The following ENTPD1 variants were observed in gnomAD, a reference collection of about 807,000 sequenced individuals.
ENTPD1 encodes ectonucleoside triphosphate diphosphohydrolase 1.
ENTPD1 carries 33 observed loss-of-function variants against 57.0 expected under a neutral mutation model. The observed-to-expected ratio is 0.58, with a 90% confidence interval of 0.44 to 0.77. The LOEUF is 0.77. Among genes scored for constraint, ENTPD1 ranks in the 30% least tolerant of loss-of-function variants. The pLI is 0.00. For synonymous variants in ENTPD1, 202 were observed against 218.8 expected (o/e 0.92, Z 0.68); for missense variants, 501 against 603.4 (o/e 0.83, Z 1.78).
chr10:95,722,287 T>G (rs1168319049), intron 1 of ENTPD1, among the ~76,000 whole-genome samples: 1 of 151,576 alleles, frequency 6.6e-6, no homozygotes, highest in Admixed American at 6.6e-5. Flanking sequence ...TTTTAATTTT[T>G]TAATTTTTTA....
chr10:95,725,589 C>T (rs890550787), intron 1 of ENTPD1, among the ~76,000 whole-genome samples: 20 of 152,060 alleles, frequency 1.3e-4, no homozygotes, highest in Non-Finnish European at 7.4e-5. Context: ...TTTAGCCTGG[C>T]TTTCTGCAAG....
rs965103692 is a variant in ENTPD1 at position 95,871,228 on chromosome 10, G to A, written c.*4845G>A. 6 of 985,380 alleles carry A rather than the reference G, an allele frequency of 6.1e-6. No individual in the cohort carries two copies. The highest frequency in any genetic ancestry group is 4.7e-5 in the South Asian group (1 of 21,284). The allele number at this position is 985,380 out of a possible 1,614,324, so 61.0% of individuals were successfully genotyped here. A position where few individuals can be genotyped will look rare whatever the true frequency, so the allele number is the denominator to read the frequency against. On this transcript the variant is annotated 3_prime_UTR_variant, in exon 10 of 10. Coordinates refer to ENST00000371205, the MANE Select transcript of ENTPD1 (RefSeq NM_001776.6). Reference sequence around the variant, plus strand: ...AGGAAAAAAGTAAAGCATTAAATGCGATTATTTAATATACAATGTCTTATT... The same window carrying A: ...AGGAAAAAAGTAAAGCATTAAATGCAATTATTTAATATACAATGTCTTATT...
intron 1 of ENTPD1, among the ~76,000 whole-genome samples, chr10:95,718,206 G>C (rs1248327097): frequency 6.6e-6 from 1 of 152,148 alleles, no homozygotes; most frequent in Non-Finnish European, 1.5e-5. Context: ...CCACTGGTTA[G>C]CTGCAGGCAA....
chr10:95,868,958 T>G lies in ENTPD1; in HGVS notation c.*2575T>G, dbSNP rs557848553. On this transcript the variant is annotated 3_prime_UTR_variant, in exon 10 of 10. Transcript: ENST00000371205. ...AGCAGACACAACCTAACCCCAATTA[T>G]TTTGGCAGGAAGGTTGGTTTAGAGG... The G allele has an allele frequency of 2.0e-6, 2 of 985,316 alleles. No homozygotes were observed. 61.0% of individuals were successfully genotyped at this position (985,316 alleles called of 1,614,324 possible). A position where few individuals can be genotyped will look rare whatever the true frequency, so the allele number is the denominator to read the frequency against.
intron 8 of ENTPD1, 44 bp from the exon 9 acceptor site, chr10:95,864,680 G>T: frequency 1.2e-5 from 19 of 1,613,388 alleles, no homozygotes; most frequent in Non-Finnish European, 1.6e-5. Flanking sequence ...CCACAGAGAG[G>T]TGCCTATCAT....
intron 1 of ENTPD1, among the ~76,000 whole-genome samples, chr10:95,777,389 C>G (rs1376701394): frequency 6.6e-6 from 1 of 152,174 alleles, no homozygotes; most frequent in Non-Finnish European, 1.5e-5. Flanking sequence ...ACAGTCAGGT[C>G]CCTTAACTGC....
chr10:95,748,193 T>C (rs2098008136), intron 1 of ENTPD1, among the ~76,000 whole-genome samples: 1 of 152,198 alleles, frequency 6.6e-6, no homozygotes, highest in Non-Finnish European at 1.5e-5. Context: ...CTTTTTTCTA[T>C]TTGCCCCTAA....
At chr10:95,749,670 G>T (rs1187831318) in intron 1 of ENTPD1, among the ~76,000 whole-genome samples, 1 of 152,146 alleles carries the variant, frequency 6.6e-6, no homozygotes, top group Non-Finnish European at 1.5e-5. Flanking sequence ...CAGCATTCCA[G>T]GCAGAAAGAA....
chr10:95,732,961 G>T (rs983569644), intron 1 of ENTPD1, among the ~76,000 whole-genome samples: 2 of 152,174 alleles, frequency 1.3e-5, no homozygotes, highest in African/African-American at 4.8e-5. Flanking sequence ...TTTCAGGCAC[G>T]CATTGTCATT....
At chr10:95,804,752 G>C (rs574065576) in intron 1 of ENTPD1, among the ~76,000 whole-genome samples, 2 of 152,278 alleles carry the variant, frequency 1.3e-5, no homozygotes, top group East Asian at 3.9e-4. Flanking sequence ...TCCCTGTCTT[G>C]TGCCAGTTTT....
At chr10:95,845,293 A>G (rs1165320094) in intron 5 of ENTPD1, 64 bp from the exon 6 acceptor site, 27 of 1,611,400 alleles carry the variant, frequency 1.7e-5, no homozygotes, top group Non-Finnish European at 2.1e-5. Context: ...CCTGACTCCA[A>G]TAGATACTAT....
intron 1 of ENTPD1, among the ~76,000 whole-genome samples, chr10:95,810,416 G>A (rs1344618379): frequency 6.8e-6 from 1 of 147,638 alleles, no homozygotes; most frequent in African/African-American, 2.5e-5. Flanking sequence ...CAGGGCGGCT[G>A]GGCAGAGGCG....
intron 1 of ENTPD1, among the ~76,000 whole-genome samples, chr10:95,731,794 T>TTTTTTTTTTTTC (rs2097989520): frequency 7.1e-6 from 1 of 140,070 alleles, no homozygotes; most frequent in South Asian, 2.4e-4. Flanking sequence ...TTTTTTTTTT[T>TTTTTTTTTTTTC]TTTTTTTTGA....
chr10:95,820,020 G>A (rs946785452), intron 1 of ENTPD1, among the ~76,000 whole-genome samples: 2 of 152,144 alleles, frequency 1.3e-5, no homozygotes, highest in African/African-American at 4.8e-5. Context: ...AGCACTCTGG[G>A]GGTCTAAGAA....
At chr10:95,807,114 A>G (rs2098276325) in intron 1 of ENTPD1, among the ~76,000 whole-genome samples, 1 of 152,206 alleles carries the variant, frequency 6.6e-6, no homozygotes, top group South Asian at 2.1e-4. Context: ...TCCTGCCCAC[A>G]GAGATGGAGT....
At chr10:95,772,508 G>A (rs2098118956) in intron 1 of ENTPD1, among the ~76,000 whole-genome samples, 1 of 152,166 alleles carries the variant, frequency 6.6e-6, no homozygotes, top group Non-Finnish European at 1.5e-5. Flanking sequence ...TCATCCATAA[G>A]AAGCAACTCC....
chr10:95,824,503 C>G (rs2098366636), intron 2 of ENTPD1, among the ~76,000 whole-genome samples: 1 of 152,216 alleles, frequency 6.6e-6, no homozygotes, highest in Non-Finnish European at 1.5e-5. Context: ...AAGGCTGATA[C>G]TATCTCATTG....
intron 1 of ENTPD1, among the ~76,000 whole-genome samples, chr10:95,740,720 T>A (rs1369220758): frequency 6.6e-6 from 1 of 152,216 alleles, no homozygotes; most frequent in East Asian, 1.9e-4. Flanking sequence ...CTTAGCATGA[T>A]CTTCTGGATA....
intron 1 of ENTPD1, among the ~76,000 whole-genome samples, chr10:95,802,581 A>G (rs1056531647): frequency 6.6e-6 from 1 of 152,016 alleles, no homozygotes; most frequent in African/African-American, 2.4e-5. Flanking sequence ...CACATTAGGT[A>G]TTTCTCCTAA....
Sources: gnomAD v4.1 joint callset for allele counts (sites outside exome capture counted in the v4.1 genomes callset) on GRCh38, gnomAD v4.1.1 for gene constraint, MANE v1.5 for transcripts, NCBI Gene and HGNC (gene_info 2026-07-23, HGNC 2026-07-21) for gene names.